The following DRD3 variants were observed in gnomAD, a reference collection of about 807,000 sequenced individuals.
DRD3 encodes D(3) dopamine receptor.
DRD3 carries 19 observed loss-of-function variants against 36.3 expected under a neutral mutation model. That is an observed-to-expected ratio of 0.52 (90% CI 0.36 to 0.77). The LOEUF is 0.77. Ranked by LOEUF, DRD3 falls within the 30% of genes least tolerant of loss-of-function variation. The pLI, the probability that DRD3 is intolerant of heterozygous loss-of-function variation, is 0.00. For synonymous variants in DRD3, 195 were observed against 203.7 expected (o/e 0.96, Z 0.36); for missense variants, 465 against 505.3 (o/e 0.92, Z 0.77).
chr3:114,172,500 T>C (rs1362783831), intron 1 of DRD3, among the ~76,000 whole-genome samples: 4 of 152,088 alleles, frequency 2.6e-5, no homozygotes, highest in Admixed American at 1.3e-4. Flanking sequence ...GGCTAGCACA[T>C]AGAAGTCATA....
intron 5 of DRD3, among the ~76,000 whole-genome samples, chr3:114,137,358 C>G (rs955692580): frequency 2.0e-5 from 3 of 152,182 alleles, no homozygotes; most frequent in Non-Finnish European, 2.9e-5. Context: ...AGTTGTGGGT[C>G]TAGCCATGTC....
upstream of DRD3, among the ~76,000 whole-genome samples, chr3:114,182,303 G>A (rs1328178699): frequency 6.6e-6 from 1 of 151,870 alleles, no homozygotes; most frequent in African/African-American, 2.4e-5. Context: ...TACAGTTCTT[G>A]AAAGAAAAAT....
rs79476473 is a variant in DRD3, at chr3:114,155,305, G to A, written c.383+4450C>T. ...GCCTGTTTTCATTTCTAGAATAGGA[G>A]GGGGCTCCATTTTGAGGCTTGGTGA... On this transcript the variant is annotated intron_variant, in intron 3 of 6. Coordinates refer to ENST00000383673, the MANE Select transcript of DRD3 (RefSeq NM_000796.6). Among the ~76,000 whole-genome samples the A allele has an allele frequency of 3.2e-3, 490 of 152,308 alleles. 4 individuals carry two copies. Among genetic ancestry groups the A allele is most frequent in the African/African-American group, 0.011 (467 of 41,572 alleles).
chr3:114,183,614 G>A (rs1227257657), upstream of DRD3, among the ~76,000 whole-genome samples: 1 of 151,668 alleles, frequency 6.6e-6, no homozygotes, highest in African/African-American at 2.4e-5. Flanking sequence ...CTGTTATGAG[G>A]CATGTTAATG....
intron 3 of DRD3, among the ~76,000 whole-genome samples, chr3:114,148,629 A>C (rs2077590112): frequency 6.6e-6 from 1 of 152,234 alleles, no homozygotes; most frequent in East Asian, 1.9e-4. Context: ...GGTTTCACTG[A>C]CTGCCTTTCT....
chr3:114,168,317 A>C (rs375712004), intron 2 of DRD3, among the ~76,000 whole-genome samples: 1 of 152,166 alleles, frequency 6.6e-6, no homozygotes, highest in East Asian at 1.9e-4. Context: ...TCACAGCATG[A>C]CACTGTGTTG....
intron 3 of DRD3, among the ~76,000 whole-genome samples, chr3:114,148,357 C>A (rs1221936491): frequency 6.6e-6 from 1 of 152,174 alleles, no homozygotes; most frequent in Non-Finnish European, 1.5e-5. Flanking sequence ...TTCATTGTGA[C>A]AGCTCCTCTA....
At chr3:114,134,856 C>T (rs896021046) in intron 5 of DRD3, among the ~76,000 whole-genome samples, 1 of 152,080 alleles carries the variant, frequency 6.6e-6, no homozygotes, top group Non-Finnish European at 1.5e-5. Flanking sequence ...TATTTTGATA[C>T]ATGCATACAA....
chr3:114,186,831 T>C (rs763251220), intron 1 of DRD3, among the ~76,000 whole-genome samples: 38 of 152,228 alleles, frequency 2.5e-4, no homozygotes, highest in African/African-American at 8.7e-4. Context: ...GGAAACAGAT[T>C]CCTGGTGCTT....
chr3:114,190,416 A>G (rs1412168935), intron 1 of DRD3, among the ~76,000 whole-genome samples: 5 of 3,700 alleles, frequency 1.4e-3, no homozygotes, highest in Non-Finnish European at 2.9e-3. Flanking sequence ...AGGATAATAT[A>G]TATATATATA....
intron 6 of DRD3, among the ~76,000 whole-genome samples, chr3:114,130,917 T>A (rs909328348): frequency 2.0e-5 from 3 of 152,224 alleles, no homozygotes; most frequent in Admixed American, 2.0e-4. Flanking sequence ...GTTAAGTGGC[T>A]TGTTCAGCTT....
rs1252518324 is a variant in DRD3 at position 114,127,991 on chromosome 3, C to T, written c.*725G>A. ...TGTCATTCCGTCTTCAGAAAATATCCCCATCTTGAATGATTCTGGAAGTTG... is the reference window on the plus strand; with the variant it reads ...TGTCATTCCGTCTTCAGAAAATATCTCCATCTTGAATGATTCTGGAAGTTG... On this transcript the variant is annotated 3_prime_UTR_variant, in exon 7 of 7. Coordinates refer to ENST00000383673, the MANE Select transcript of DRD3 (RefSeq NM_000796.6). Among the ~76,000 whole-genome samples, 1 of 152,138 alleles carries T rather than the reference C, an allele frequency of 6.6e-6. No individual in the cohort carries two copies. Among genetic ancestry groups the T allele is most frequent in the East Asian group, 1.9e-4 (1 of 5,200 alleles).
intron 1 of DRD3, among the ~76,000 whole-genome samples, chr3:114,185,566 A>C (rs533968219): frequency 1.4e-3 from 210 of 152,000 alleles, no homozygotes; most frequent in Middle Eastern, 6.8e-3. Flanking sequence ...GGTGTTTTAA[A>C]GTCTTTGTCT....
At chr3:114,154,960 C>G (rs117416463) in intron 3 of DRD3, among the ~76,000 whole-genome samples, 2 of 152,166 alleles carry the variant, frequency 1.3e-5, no homozygotes, top group Non-Finnish European at 2.9e-5. Flanking sequence ...TTTTTAAAAA[C>G]GAAATGGCAG....
At chr3:114,140,391 C>A (rs1426974951) in intron 4 of DRD3, among the ~76,000 whole-genome samples, 1 of 152,202 alleles carries the variant, frequency 6.6e-6, no homozygotes, top group Non-Finnish European at 1.5e-5. Context: ...CCTGCCATTT[C>A]TCCTTGGGAG....
chr3:114,195,423 A>C (rs1241812534), intron 1 of DRD3, among the ~76,000 whole-genome samples: 8 of 152,202 alleles, frequency 5.3e-5, no homozygotes. Flanking sequence ...AAAAGTGTGA[A>C]TATCAAAATG....
chr3:114,172,266 T>A (rs1446682974), intron 1 of DRD3, among the ~76,000 whole-genome samples: 1 of 152,138 alleles, frequency 6.6e-6, no homozygotes, highest in Non-Finnish European at 1.5e-5. Context: ...ATAAAAGATG[T>A]GGTGTGTTCA....
At chr3:114,152,647 G>C (rs996352369) in intron 3 of DRD3, among the ~76,000 whole-genome samples, 1 of 152,236 alleles carries the variant, frequency 6.6e-6, no homozygotes, top group African/African-American at 2.4e-5. Flanking sequence ...AGCACGGCTG[G>C]GGTGAGAAGT....
chr3:114,158,320 C>G lies in DRD3; in HGVS notation c.383+1435G>C, dbSNP rs150979776. On this transcript the variant is annotated intron_variant, in intron 3 of 6. Coordinates refer to ENST00000383673, the MANE Select transcript of DRD3 (RefSeq NM_000796.6). ...CATACCAATATAACATTGAATTACA[C>G]ACTTTGAGTGGATGAATTGTGTGGT... is the stretch of plus-strand genomic sequence containing the variant. 3.2e-3 allele frequency among the ~76,000 whole-genome samples: 489 copies of G among 151,680 alleles called. 4 individuals carry two copies. Among genetic ancestry groups the G allele is most frequent in the African/African-American group, 0.011 (466 of 41,376 alleles).
Sources: allele counts gnomAD v4.1 joint callset (sites outside exome capture counted in the v4.1 genomes callset), GRCh38; gene constraint gnomAD v4.1.1; transcripts MANE v1.5; gene names NCBI Gene and HGNC (gene_info 2026-07-23, HGNC 2026-07-21).